Variants in LRBA observed in about 807,000 individuals in gnomAD.
LRBA encodes the protein lipopolysaccharide-responsive and beige-like anchor protein.
A neutral mutation model predicts 330.0 loss-of-function variants in LRBA; 176 were observed. The ratio of observed to expected loss-of-function variants is 0.53; its 90% confidence interval spans 0.47 to 0.60. The LOEUF (loss-of-function observed/expected upper bound fraction) is 0.60, where lower values mean the gene tolerates loss of function less well. Among genes scored for constraint, LRBA ranks in the 20% least tolerant of loss-of-function variants. The pLI, the probability that LRBA is intolerant of heterozygous loss-of-function variation, is 0.00. For synonymous variants in LRBA, 1,230 were observed against 1,193.0 expected, an observed-to-expected ratio of 1.03 and a Z score of -0.64; for missense variants, 3,259 against 3,444.8, an observed-to-expected ratio of 0.95 and a Z score of 1.35.
intron 37 of LRBA, among the ~76,000 whole-genome samples, chr4:150,678,667 G>A (rs562150496): frequency 3.3e-5 from 5 of 152,196 alleles, no homozygotes; most frequent in East Asian, 1.9e-4. Context: ...GGATACATGG[G>A]GAAAATGTTA....
chr4:150,640,769 G>C (rs190137676), intron 37 of LRBA, among the ~76,000 whole-genome samples: 1 of 152,056 alleles, frequency 6.6e-6, no homozygotes, highest in East Asian at 1.9e-4. Context: ...TTTACTTATT[G>C]TCGAAATGTT....
At position 150,483,445 on chromosome 4, in the gene LRBA, T is replaced by C. The variant is rs149509286; in HGVS notation, c.6551+4287A>G. Among the ~76,000 whole-genome samples the C allele has an allele frequency of 4.2e-3, 635 of 152,032 alleles. 4 individuals are homozygous for C. The highest frequency in any genetic ancestry group is 0.014 in the African/African-American group (572 of 41,498). ...AAAATTGTTTAAACTATTCTGGATA[T>C]TTACAATTTCACTTAAATTTTAGAA... On this transcript the variant is annotated intron_variant, in intron 42 of 56. Transcript: ENST00000651943.
intron 37 of LRBA, among the ~76,000 whole-genome samples, chr4:150,637,093 A>G (rs1778000096): frequency 6.6e-6 from 1 of 152,174 alleles, no homozygotes; most frequent in Non-Finnish European, 1.5e-5. Context: ...CAGTAAAAAT[A>G]TATTATTCTC....
chr4:150,568,027 C>T (rs769246757), intron 40 of LRBA, among the ~76,000 whole-genome samples: 8 of 152,040 alleles, frequency 5.3e-5, no homozygotes, highest in Non-Finnish European at 1.2e-4. Context: ...AGCACTTGCC[C>T]GGGCACTGTG....
chr4:150,496,165 A>C (rs1242778552), intron 40 of LRBA, among the ~76,000 whole-genome samples: 2 of 152,108 alleles, frequency 1.3e-5, no homozygotes, highest in Non-Finnish European at 2.9e-5. Flanking sequence ...TATTTTTCCC[A>C]AATAATGCAT....
intron 26 of LRBA, among the ~76,000 whole-genome samples, chr4:150,845,228 ATTAG>A (rs1326330665): frequency 6.6e-6 from 1 of 152,200 alleles, no homozygotes; most frequent in Admixed American, 6.5e-5. Context: ...ATTAAAGTAA[ATTAG>A]TTAAACTGGA....
intron 40 of LRBA, among the ~76,000 whole-genome samples, chr4:150,565,313 G>C (rs959761062): frequency 6.6e-6 from 1 of 152,034 alleles, no homozygotes; most frequent in African/African-American, 2.4e-5. Flanking sequence ...TGGACACAGG[G>C]AAGGGAACAA....
At chr4:150,324,563 C>T (rs529071767) in intron 49 of LRBA, among the ~76,000 whole-genome samples, 3 of 139,780 alleles carry the variant, frequency 2.1e-5, no homozygotes, top group Non-Finnish European at 4.7e-5. Flanking sequence ...ACAAAGAGCA[C>T]AGAGGGAAAA....
intron 30 of LRBA, among the ~76,000 whole-genome samples, chr4:150,826,941 G>A (rs950292490): frequency 6.6e-6 from 1 of 152,192 alleles, no homozygotes; most frequent in Non-Finnish European, 1.5e-5. Context: ...AGAAGACTGT[G>A]TTTCTAGGTG....
intron 36 of LRBA, among the ~76,000 whole-genome samples, chr4:150,708,668 T>C (rs555316918): frequency 3.6e-4 from 55 of 151,918 alleles, no homozygotes; most frequent in Non-Finnish European, 4.0e-4. Flanking sequence ...TTTTATAAAA[T>C]GCTAGAAAAT....
intron 53 of LRBA, among the ~76,000 whole-genome samples, chr4:150,290,973 T>C (rs1364929153): frequency 6.6e-6 from 1 of 152,156 alleles, no homozygotes; most frequent in African/African-American, 2.4e-5. Flanking sequence ...TTTTTTATTA[T>C]ACTTTAAGTT....
At chr4:150,524,204 G>A (rs994920251) in intron 40 of LRBA, among the ~76,000 whole-genome samples, 1 of 152,056 alleles carries the variant, frequency 6.6e-6, no homozygotes, top group South Asian at 2.1e-4. Flanking sequence ...TAGAATAATT[G>A]GGGCAGGATG....
intron 19 of LRBA, 47 bp from the exon 20 acceptor site, chr4:150,870,653 C>A: frequency 1.1e-6 from 1 of 873,168 alleles, no homozygotes; most frequent in Non-Finnish European, 1.9e-6. Context: ...ACTGGATTAG[C>A]ATCACTATTA....
At chr4:150,609,201 C>T (rs555809253) in intron 37 of LRBA, among the ~76,000 whole-genome samples, 3 of 152,272 alleles carry the variant, frequency 2.0e-5, no homozygotes, top group Admixed American at 1.3e-4. Flanking sequence ...ATGATAAATC[C>T]GGTCATTCTC....
At chr4:150,759,976 A>T (rs1734854189) in intron 35 of LRBA, among the ~76,000 whole-genome samples, 1 of 152,208 alleles carries the variant, frequency 6.6e-6, no homozygotes, top group Admixed American at 6.5e-5. Flanking sequence ...CACTTAGTAA[A>T]GTCTACGATG....
intron 53 of LRBA, among the ~76,000 whole-genome samples, chr4:150,289,923 T>C (rs1456722685): frequency 6.6e-6 from 1 of 152,114 alleles, no homozygotes; most frequent in African/African-American, 2.4e-5. Context: ...TTACTGAGGG[T>C]AGCGGGGATA....
rs1732497913 is a variant in LRBA at position 150,915,629 on chromosome 4, T to C, written c.993A>G (p.Thr331=). 5 of 1,612,404 alleles carry C rather than the reference T, an allele frequency of 3.1e-6. No individual in the cohort carries two copies. Among genetic ancestry groups the C allele is most frequent in the Middle Eastern group, 1.7e-4 (1 of 6,050 alleles). ...NGELASYGEI[T]WFVNTSDTFD... is the part of the protein sequence containing the mutation. ...TTACATCGCTAGTGTTGACAAACCA[T>C]GTTATCTCTCCATAGGAAGCCAGCT... The change falls in exon 8 of 57, where the codon ACA becomes ACG. Residue 331 remains threonine, a synonymous_variant. Coordinates refer to ENST00000651943, the MANE Select transcript of LRBA (RefSeq NM_001364905.1).
chr4:150,342,468 T>C (rs998553503), intron 48 of LRBA, among the ~76,000 whole-genome samples: 3 of 152,164 alleles, frequency 2.0e-5, no homozygotes, highest in Non-Finnish European at 2.9e-5. Flanking sequence ...AGCATATTTG[T>C]CCGAAAAAGA....
intron 2 of LRBA, among the ~76,000 whole-genome samples, chr4:150,947,947 A>T (rs1736411934): frequency 6.6e-6 from 1 of 152,066 alleles, no homozygotes; most frequent in African/African-American, 2.4e-5. Flanking sequence ...AACAAAATAT[A>T]TACAGGACTT....
Sources: gnomAD v4.1 joint callset for allele counts (sites outside exome capture counted in the v4.1 genomes callset) on GRCh38, gnomAD v4.1.1 for gene constraint, MANE v1.5 for transcripts, NCBI Gene and HGNC (gene_info 2026-07-23, HGNC 2026-07-21) for gene names.